ITGAL: variants seen among roughly 807,000 people sequenced by gnomAD.
The protein encoded by ITGAL is integrin subunit alpha L, also known as integrin alpha-L.
ITGAL carries 68 observed loss-of-function variants against 138.4 expected under a neutral mutation model. The observed-to-expected ratio is 0.49, with a 90% CI of 0.40 to 0.60. The LOEUF (loss-of-function observed/expected upper bound fraction) is 0.60, where lower values mean the gene tolerates loss of function less well. Among genes scored for constraint, ITGAL ranks in the 20% least tolerant of loss-of-function variants. The pLI is 0.00. For synonymous variants in ITGAL, 561 were observed against 584.3 expected (o/e 0.96, Z 0.57); for missense variants, 1,256 against 1,478.6 (o/e 0.85, Z 2.47).
intron 21 of ITGAL, 24 bp from the exon 22 acceptor site, chr16:30,510,337 C>T (rs779532488): frequency 4.8e-6 from 7 of 1,457,482 alleles, no homozygotes; most frequent in Non-Finnish European, 6.7e-6. Flanking sequence ...CATTAACAAA[C>T]TTGTTTCCTC....
At chr16:30,481,179 CA>C in intron 6 of ITGAL, 5 of 378,844 alleles carry the variant, frequency 1.3e-5, no homozygotes, top group Non-Finnish European at 2.4e-5. Context: ...CACACACACA[CA>C]CACCACACAC....
chr16:30,516,094 A>G (rs1401062986), intron 25 of ITGAL, among the ~76,000 whole-genome samples: 1 of 152,174 alleles, frequency 6.6e-6, no homozygotes, highest in African/African-American at 2.4e-5. Flanking sequence ...TGAATAAATG[A>G]TAGAATCCTT....
At chr16:30,498,185 C>T (rs1239950807) in intron 15 of ITGAL, among the ~76,000 whole-genome samples, 2 of 147,322 alleles carry the variant, frequency 1.4e-5, no homozygotes, top group Admixed American at 6.9e-5. Flanking sequence ...ATTAGCTGGG[C>T]ATGGTGGCAT....
chr16:30,501,101 C>T (rs996124884), intron 17 of ITGAL, among the ~76,000 whole-genome samples: 5 of 152,206 alleles, frequency 3.3e-5, no homozygotes, highest in African/African-American at 1.2e-4. Flanking sequence ...TTACCTTGGC[C>T]TCCAAAAGTG....
chr16:30,498,279 A>AAG, intron 15 of ITGAL, among the ~76,000 whole-genome samples: 1 of 151,374 alleles, frequency 6.6e-6, no homozygotes, highest in Non-Finnish European at 1.5e-5. Flanking sequence ...AAAAAAAAAA[A>AAG]ATAGGAGCCA....
In ITGAL at chr16:30,483,945, C is replaced by T. The variant is rs775525981; in HGVS notation, c.841C>T (p.Arg281Cys). The part of the protein sequence containing the change: ...GNIDAAKDII[R>C]YIIGIGKHFQ... ...CATCGATGCGGCCAAAGACATCATC[C>T]GCTACATCATCGGGGTAGGGCCCCT... Residue 281 changes from arginine to cysteine, a missense_variant, in exon 8 of 31, where the codon CGC (arginine) becomes TGC (cysteine). By Grantham distance (180) the Arg-to-Cys change is radical. This residue lies in a region of ITGAL where 177 missense variants were observed against 288.8 expected (regional missense o/e 0.61). Coordinates refer to ENST00000356798, the MANE Select transcript of ITGAL (RefSeq NM_002209.3). 22 of 1,613,254 alleles carry T rather than the reference C, an allele frequency of 1.4e-5. No individual in the cohort carries two copies. Among genetic ancestry groups the T allele is most frequent in the Middle Eastern group, 1.6e-4 (1 of 6,082 alleles).
At position 30,506,749 on chromosome 16, in the gene ITGAL, C is replaced by T; in HGVS notation, c.2401C>T (p.Leu801Phe). 3.7e-6 allele frequency: 6 copies of T among 1,613,954 alleles called. No individual in the cohort carries two copies. Among genetic ancestry groups the T allele is most frequent in the Non-Finnish European group, 5.1e-6 (6 of 1,179,934 alleles). Residue 801 changes from leucine (L) to phenylalanine (F), a missense_variant, in exon 21 of 31, where the codon CTC becomes TTC. Transcript: ENST00000356798. ...RALRLTAFAS[L>F]SVELSLSNLE... is the part of the protein sequence containing the mutation. ...CCTGCGTCTAACTGCTTTTGCCAGC[C>T]TCTCTGTGGAGCTGAGCCTGAGTAA...
chr16:30,474,919 TTA>T lies in ITGAL; in HGVS notation c.165-386_165-385del, dbSNP rs2050448427. 1.1e-4 allele frequency among the ~76,000 whole-genome samples: 16 copies of T among 143,874 alleles called. No homozygotes were observed. The Admixed American group carries it at 1.2e-3, about 11-fold the overall frequency. The allele number at this position is 143,874 out of a possible 152,430, so 94.4% of individuals were successfully genotyped here. ...TGTCGCCCAGGCTGTAGTGCAACGG[TTA>T]GATCTCACCTCTCTGCAATCTGTGC... On this transcript the variant is annotated intron_variant, in intron 2 of 30. Transcript: ENST00000356798.
At chr16:30,508,065 C>T (rs1045074497) in intron 21 of ITGAL, among the ~76,000 whole-genome samples, 1 of 150,842 alleles carries the variant, frequency 6.6e-6, no homozygotes, top group Non-Finnish European at 1.5e-5. Flanking sequence ...CCCACCACCA[C>T]GCCCAGCTAA....
At position 30,519,003 on chromosome 16, in the gene ITGAL, C is replaced by T. The variant is rs547299926; in HGVS notation, c.3228+284C>T. 3.9e-5 allele frequency among the ~76,000 whole-genome samples: 6 copies of T among 152,246 alleles called. No homozygotes were observed. In the East Asian group the frequency reaches 1.2e-3, roughly 29 times the overall value. Reference sequence around the variant, plus strand: ...CTTTGGGAGGTCAAGGTAGGCAGATCACATGAAGTGAGGAGTTCAAGACCA... The same window carrying T: ...CTTTGGGAGGTCAAGGTAGGCAGATTACATGAAGTGAGGAGTTCAAGACCA... On this transcript the variant is annotated intron_variant, in intron 29 of 30. Coordinates refer to ENST00000356798, the MANE Select transcript of ITGAL (RefSeq NM_002209.3).
In ITGAL at chr16:30,489,334, C is replaced by T. The variant is rs758377352; in HGVS notation, c.1161C>T (p.Asp387=). The T allele has an allele frequency of 6.2e-7, 1 of 1,614,050 alleles. No homozygotes were observed. Among genetic ancestry groups the T allele is most frequent in the South Asian group, 1.1e-5 (1 of 91,084 alleles). Residue 387 remains aspartate, a synonymous_variant, in exon 11 of 31, where the codon GAC becomes GAT. Coordinates refer to ENST00000356798, the MANE Select transcript of ITGAL (RefSeq NM_002209.3). Reference sequence around the variant, plus strand: ...ACCTGAAGGCAGACCTGCAGGATGACACATTTATTGGGAATGAACCATTGA... The same window carrying T: ...ACCTGAAGGCAGACCTGCAGGATGATACATTTATTGGGAATGAACCATTGA... The part of the protein sequence containing the change: ...FLDLKADLQD[D]TFIGNEPLTP...
At position 30,483,851 on chromosome 16, in the gene ITGAL, G is replaced by A. The variant is rs1366419297; in HGVS notation, c.747G>A (p.Leu249=). The change falls in exon 8 of 31, where the codon CTG becomes CTA. Residue 249 remains leucine, a synonymous_variant. Coordinates refer to ENST00000356798, the MANE Select transcript of ITGAL (RefSeq NM_002209.3). ...GGACAGAGGTGTTCCGGGAGGAGCT[G>A]GGGGCCCGGCCAGATGCCACCAAAG... ...YVATEVFREE[L]GARPDATKVL... is the part of the protein sequence containing the mutation. 6.2e-7 allele frequency: 1 copy of A among 1,613,662 alleles called. No individual in the cohort carries two copies. Among genetic ancestry groups the A allele is most frequent in the Non-Finnish European group, 8.5e-7 (1 of 1,179,750 alleles).
In ITGAL at chr16:30,494,402, G is replaced by A. The variant is rs756317624; in HGVS notation, c.1365+39G>A. ...GAGGGCATCTGCAGACCAGGGACTG[G>A]CGGGACACACATCACACTCCCTTCT... On this transcript the variant is annotated intron_variant, in intron 12 of 30. Coordinates refer to ENST00000356798, the MANE Select transcript of ITGAL (RefSeq NM_002209.3). The surrounding 1 kb of genome is among the most constrained non-coding windows in gnomAD (Gnocchi z 4.2). The A allele has an allele frequency of 5.8e-6, 9 of 1,563,422 alleles. No homozygotes were observed. Among genetic ancestry groups the A allele is most frequent in the Non-Finnish European group, 7.8e-6 (9 of 1,148,342 alleles).
chr16:30,479,982 C>T (rs1195434353), intron 6 of ITGAL, among the ~76,000 whole-genome samples: 2 of 150,630 alleles, frequency 1.3e-5, no homozygotes, highest in Non-Finnish European at 2.9e-5. Flanking sequence ...CTCACTGTGT[C>T]CCCAAGGCTG....
At chr16:30,517,933 G>A (rs767606016) in intron 28 of ITGAL, 38 bp downstream of exon 28, 2 of 1,584,954 alleles carry the variant, frequency 1.3e-6, no homozygotes, top group East Asian at 4.5e-5. Flanking sequence ...GCTGCTGTGG[G>A]GGCCCCAATG....
chr16:30,472,857 C>T lies in ITGAL; in HGVS notation c.20C>T (p.Thr7Ile), dbSNP rs1235743392. 3 of 1,613,054 alleles carry T rather than the reference C, an allele frequency of 1.9e-6. No individual in the cohort carries two copies. Among genetic ancestry groups the T allele is most frequent in the Non-Finnish European group, 1.7e-6 (2 of 1,179,836 alleles). The change falls in exon 1 of 31, where the codon ACT becomes ATT. Residue 7 changes from threonine (T) to isoleucine (I), a missense_variant. Coordinates refer to ENST00000356798, the MANE Select transcript of ITGAL (RefSeq NM_002209.3). MKDSCITVMAMALLSGF... is the reference protein window; with the variant it reads MKDSCIIVMAMALLSGF... The stretch of plus-strand genomic sequence containing the variant: ...GGAAGGATGAAGGATTCCTGCATCA[C>T]TGTGATGGCCATGGCGCTGCTGTCT...
chr16:30,514,825 C>CT lies in ITGAL; in HGVS notation c.2862+996dup, dbSNP rs35701226. On this transcript the variant is annotated intron_variant, in intron 25 of 30. Transcript: ENST00000356798. ...ATTTTTACCTTTTCTTTTTTCTTTT[C>CT]TTTTTTTTTTTTTTTTTGAGGTAGA... Among the ~76,000 whole-genome samples, 979 of 134,228 alleles carry CT rather than the reference C, an allele frequency of 7.3e-3. 14 individuals are homozygous for CT. Among genetic ancestry groups the CT allele is most frequent in the African/African-American group, 0.017 (625 of 35,984 alleles). 88.1% of individuals were successfully genotyped at this position (134,228 alleles called of 152,430 possible).
rs765514196 is a variant in ITGAL, at chr16:30,504,248, C to T, written c.2219C>T (p.Pro740Leu). 18 of 1,612,556 alleles carry T rather than the reference C, an allele frequency of 1.1e-5. No homozygotes were observed. The highest frequency in any genetic ancestry group is 2.2e-5 in the East Asian group (1 of 44,886). ...TCTCTTTGGGAGGAGGAAGGGACAC[C>T]GAGGGACCAAAGGGCGGTAAGAAGA... ...NFSLWEEEGT[P>L]RDQRAQGKDI... Residue 740 changes from proline to leucine, a missense_variant, in exon 18 of 31, where the codon CCG (proline) becomes CTG (leucine). Coordinates refer to ENST00000356798, the MANE Select transcript of ITGAL (RefSeq NM_002209.3).
At chr16:30,511,163 C>A (rs747609580) in intron 24 of ITGAL, 27 bp downstream of exon 24, 1 of 1,560,608 alleles carries the variant, frequency 6.4e-7, no homozygotes, top group Admixed American at 1.7e-5. Flanking sequence ...AGACAGCCAA[C>A]CCTCTCCTCC....
Sources: gnomAD v4.1 joint callset for allele counts (sites outside exome capture counted in the v4.1 genomes callset) on GRCh38, gnomAD v4.1.1 for gene constraint, gnomAD v4.1.1 regional missense constraint, Gnocchi (gnomAD v3.1) non-coding constraint, MANE v1.5 for transcripts, NCBI Gene and HGNC (gene_info 2026-07-23, HGNC 2026-07-21) for gene names.